PCDHGA3: variants seen among roughly 807,000 people sequenced by gnomAD.
PCDHGA3 encodes protocadherin gamma subfamily A, 3, also known as protocadherin gamma-A3.
In PCDHGA3, 40 loss-of-function variants were observed where a neutral mutation model predicts 58.5. That is an observed-to-expected ratio of 0.68 (90% CI 0.53 to 0.89). PCDHGA3 has a LOEUF of 0.89. PCDHGA3 is among the 40% of genes least tolerant of loss of function. The probability of loss-of-function intolerance (pLI) is 0.00; values close to 1 mark genes in which losing one functional copy is unlikely to be tolerated. For missense variants in PCDHGA3, 1,223 were observed against 1,195.9 expected (o/e 1.02, Z -0.33); for synonymous variants, 530 against 525.7 (o/e 1.01, Z -0.11).
intron 1 of PCDHGA3, chr5:141,410,094 C>G: frequency 6.2e-7 from 1 of 1,612,646 alleles, no homozygotes; most frequent in Non-Finnish European, 8.5e-7. Context: ...ACGGCTCGAG[C>G]CTTAGGCGAC....
At chr5:141,428,540 C>T (rs1561836755) in intron 1 of PCDHGA3, 6 of 268,146 alleles carry the variant, frequency 2.2e-5, no homozygotes, top group South Asian at 8.6e-5. Context: ...CTCACCATGA[C>T]ACCAGAAACA....
chr5:141,423,169 C>T (rs747206648), intron 1 of PCDHGA3: 4 of 1,613,460 alleles, frequency 2.5e-6, no homozygotes, highest in Admixed American at 3.3e-5. Flanking sequence ...GGTGGCCGTC[C>T]AGGACCACGG....
intron 1 of PCDHGA3, chr5:141,392,059 C>G (rs2092458843): frequency 6.6e-6 from 1 of 152,098 alleles, no homozygotes; most frequent in Non-Finnish European, 1.5e-5. Flanking sequence ...AAAATATTAT[C>G]GACATGTAAT....
At chr5:141,473,033 G>GGAAA (rs1282468299) in intron 1 of PCDHGA3, among the ~76,000 whole-genome samples, 1 of 146,284 alleles carries the variant, frequency 6.8e-6, no homozygotes, top group African/African-American at 2.5e-5. Flanking sequence ...AAGGAAGGAA[G>GGAAA]GAAAGAAAGA....
rs2099684984 is a variant in PCDHGA3 at position 141,489,278 on chromosome 5, G to A, written c.2425-5529G>A. ...ACACTCCCACAGCTCGCTGGGAAAT[G>A]GCAAGTGCTGTGCATGTTGTCCTTG... is the stretch of plus-strand genomic sequence containing the variant. On this transcript the variant is annotated intron_variant, in intron 1 of 3. Transcript: ENST00000253812. The surrounding 1 kb of genome is among the most constrained non-coding windows in gnomAD (Gnocchi z 4.5). The A allele has an allele frequency of 6.4e-7, 1 of 1,561,298 alleles. No homozygotes were observed. The highest frequency in any genetic ancestry group is 2.2e-5 in the East Asian group (1 of 44,520).
chr5:141,468,419 G>A (rs1733006381), intron 1 of PCDHGA3: 1 of 151,826 alleles, frequency 6.6e-6, no homozygotes, highest in Admixed American at 6.6e-5. Flanking sequence ...AAGTTAGATA[G>A]CAAGGTAATA....
intron 1 of PCDHGA3, chr5:141,372,143 G>A: frequency 6.2e-7 from 1 of 1,613,784 alleles, no homozygotes. Context: ...GCTCTGCAGA[G>A]CCTGGCTACC....
rs374200575 is a variant in PCDHGA3 at position 141,432,105 on chromosome 5, C to G, written c.2425-62702C>G. On this transcript the variant is annotated intron_variant, in intron 1 of 3. Transcript: ENST00000253812. This position sits in a 1 kb window ranked among gnomAD's most constrained non-coding sequence, Gnocchi z 6.0. The stretch of plus-strand genomic sequence containing the variant: ...AACGTGGCAGACACCAACGACAACC[C>G]GCCGGTCTTCCCTCAGGCCTCCTAT... 1.2e-6 allele frequency: 2 copies of G among 1,614,172 alleles called. No individual in the cohort carries two copies. Among genetic ancestry groups the G allele is most frequent in the Non-Finnish European group, 1.7e-6 (2 of 1,180,034 alleles).
chr5:141,394,136 C>A, intron 1 of PCDHGA3: 3 of 1,613,956 alleles, frequency 1.9e-6, no homozygotes, highest in Non-Finnish European at 2.5e-6. Flanking sequence ...TCGCTCTGCA[C>A]GTGGCAGACA....
chr5:141,477,890 C>T lies in PCDHGA3; in HGVS notation c.2425-16917C>T, dbSNP rs202114426. ...TACCTCAGCTGGCCACCTAGTGTCA[C>T]GGGTGGTAGGCTGGGACGCGGATGC... is the stretch of plus-strand genomic sequence containing the variant. On this transcript the variant is annotated intron_variant, in intron 1 of 3. Coordinates refer to ENST00000253812, the MANE Select transcript of PCDHGA3 (RefSeq NM_018916.4). This position sits in a 1 kb window ranked among gnomAD's most constrained non-coding sequence, Gnocchi z 4.9. 9.9e-6 allele frequency: 16 copies of T among 1,614,086 alleles called. No individual in the cohort carries two copies. Among genetic ancestry groups the T allele is most frequent in the Admixed American group, 1.7e-5 (1 of 60,006 alleles).
chr5:141,375,603 T>C, intron 1 of PCDHGA3: 4 of 1,614,158 alleles, frequency 2.5e-6, no homozygotes, highest in South Asian at 1.1e-5. Flanking sequence ...TACGTGTCCA[T>C]CAACTCCGAC....
chr5:141,404,796 G>T, intron 1 of PCDHGA3: 1 of 1,613,970 alleles, frequency 6.2e-7, no homozygotes, highest in Non-Finnish European at 8.5e-7. Flanking sequence ...AGTGAGCCAG[G>T]GCTCTTCTCG....
intron 1 of PCDHGA3, chr5:141,374,330 A>T: frequency 6.2e-7 from 1 of 1,613,990 alleles, no homozygotes; most frequent in Non-Finnish European, 8.5e-7. Flanking sequence ...GCGAAACGGC[A>T]GCTTGGTCAC....
chr5:141,458,408 C>T (rs895785923), intron 1 of PCDHGA3, among the ~76,000 whole-genome samples: 3 of 151,932 alleles, frequency 2.0e-5, no homozygotes, highest in Non-Finnish European at 2.9e-5. Context: ...AGAGACGGAG[C>T]GGGGGTTCCA....
intron 1 of PCDHGA3, chr5:141,357,155 C>T (rs2149794664): frequency 6.2e-7 from 1 of 1,613,630 alleles, no homozygotes; most frequent in Non-Finnish European, 8.5e-7. Flanking sequence ...CATGGCCAGC[C>T]CCCTCTCTCG....
At chr5:141,461,861 T>C (rs1445632008) in intron 1 of PCDHGA3, among the ~76,000 whole-genome samples, 8 of 152,182 alleles carry the variant, frequency 5.3e-5, no homozygotes, top group Middle Eastern at 3.4e-3. Flanking sequence ...TTTGCTCTTG[T>C]TGCCCAGGCT....
chr5:141,402,430 C>T (rs1026560659), intron 1 of PCDHGA3, among the ~76,000 whole-genome samples: 2 of 151,802 alleles, frequency 1.3e-5, no homozygotes, highest in African/African-American at 4.8e-5. Flanking sequence ...ATTGAAGCAT[C>T]ATAAAAAGGA....
intron 1 of PCDHGA3, chr5:141,374,829 T>A: frequency 1.2e-6 from 2 of 1,613,956 alleles, no homozygotes; most frequent in South Asian, 1.1e-5. Flanking sequence ...GTCTACCGTG[T>A]AAGTGTTCCT....
In PCDHGA3 at chr5:141,489,662, G is replaced by C; in HGVS notation, c.2425-5145G>C. 8.1e-6 allele frequency: 13 copies of C among 1,614,144 alleles called. No individual in the cohort carries two copies. The highest frequency in any genetic ancestry group is 1.1e-5 in the Non-Finnish European group (13 of 1,180,010). On this transcript the variant is annotated intron_variant, in intron 1 of 3. Coordinates refer to ENST00000253812, the MANE Select transcript of PCDHGA3 (RefSeq NM_018916.4). This position sits in a 1 kb window ranked among gnomAD's most constrained non-coding sequence, Gnocchi z 4.5. The stretch of plus-strand genomic sequence containing the variant: ...TTTGCCACCCCTGAGCGAGAGATGC[G>C]CATCTCAGAATCAGCAGCATCTGGG...
Sources: gnomAD v4.1 joint callset for allele counts (sites outside exome capture counted in the v4.1 genomes callset) on GRCh38, gnomAD v4.1.1 for gene constraint, Gnocchi (gnomAD v3.1) non-coding constraint, MANE v1.5 for transcripts, NCBI Gene and HGNC (gene_info 2026-07-23, HGNC 2026-07-21) for gene names.